Variants in SHC3 observed in about 807,000 individuals in gnomAD.
SHC3 encodes SHC-transforming protein 3.
SHC3 carries 15 observed loss-of-function variants against 60.4 expected under a neutral mutation model. The observed-to-expected ratio is 0.25, with a 90% CI of 0.17 to 0.38. The LOEUF is 0.38. SHC3 is among the 10% of genes least tolerant of loss of function. SHC3 has a pLI of 1.00. For synonymous variants in SHC3, 294 were observed against 325.9 expected, an observed-to-expected ratio of 0.90 and a Z score of 1.05; for missense variants, 677 against 786.1, an observed-to-expected ratio of 0.86 and a Z score of 1.66.
intron 9 of SHC3, among the ~76,000 whole-genome samples, chr9:89,045,052 G>T (rs1463306977): frequency 6.6e-6 from 1 of 152,098 alleles, no homozygotes; most frequent in Non-Finnish European, 1.5e-5. Flanking sequence ...GAGTCACGGG[G>T]GCTCAACCTC....
At chr9:89,129,884 C>T (rs1365023592) in intron 1 of SHC3, among the ~76,000 whole-genome samples, 3 of 152,188 alleles carry the variant, frequency 2.0e-5, no homozygotes, top group Non-Finnish European at 4.4e-5. Flanking sequence ...ATCGTAGTGA[C>T]AGGATCAAAT....
chr9:89,068,880 T>C (rs1341889667), intron 5 of SHC3, among the ~76,000 whole-genome samples: 1 of 152,182 alleles, frequency 6.6e-6, no homozygotes, highest in Non-Finnish European at 1.5e-5. Flanking sequence ...ACATCTGCCT[T>C]TTATATGTCA....
At chr9:89,110,932 A>G (rs949949827) in intron 2 of SHC3, among the ~76,000 whole-genome samples, 1 of 152,170 alleles carries the variant, frequency 6.6e-6, no homozygotes, top group African/African-American at 2.4e-5. Flanking sequence ...TCTACCACAG[A>G]GAGTCCCAGG....
At chr9:89,177,305 C>T (rs901549078) in intron 1 of SHC3, among the ~76,000 whole-genome samples, 36 of 152,206 alleles carry the variant, frequency 2.4e-4, no homozygotes, top group African/African-American at 8.4e-4. Context: ...AAGCGCAGCG[C>T]CCTAGTTCCC....
intron 6 of SHC3, among the ~76,000 whole-genome samples, chr9:89,058,192 A>C (rs1824986926): frequency 6.6e-6 from 1 of 152,264 alleles, no homozygotes; most frequent in Admixed American, 6.5e-5. Flanking sequence ...ACAATGTAAA[A>C]CAAAGAAGAT....
chr9:89,097,106 G>GAA (rs10523898), intron 2 of SHC3, among the ~76,000 whole-genome samples: 1 of 81,098 alleles, frequency 1.2e-5, no homozygotes, highest in Non-Finnish European at 2.4e-5. Context: ...TCGCTCTCAT[G>GAA]AAAAAAAAAA....
chr9:89,057,291 T>C (rs894930693), intron 6 of SHC3, among the ~76,000 whole-genome samples: 4 of 150,928 alleles, frequency 2.7e-5, no homozygotes, highest in African/African-American at 4.9e-5. Context: ...CCATGCACTC[T>C]GAATTGATCC....
intron 2 of SHC3, among the ~76,000 whole-genome samples, chr9:89,099,815 A>C (rs1825757367): frequency 6.6e-6 from 1 of 152,254 alleles, no homozygotes; most frequent in South Asian, 2.1e-4. Context: ...GTGATATTTA[A>C]AAATCTTAAC....
At chr9:89,051,575 C>T (rs752201529) in intron 7 of SHC3, among the ~76,000 whole-genome samples, 7 of 152,230 alleles carry the variant, frequency 4.6e-5, no homozygotes, top group Non-Finnish European at 1.0e-4. Context: ...AGCTGTTAAG[C>T]TGCAAAGGCC....
intron 1 of SHC3, among the ~76,000 whole-genome samples, chr9:89,142,694 C>T (rs1006897023): frequency 3.5e-5 from 5 of 144,874 alleles, no homozygotes; most frequent in South Asian, 2.2e-4. Context: ...AAAAAAAAGG[C>T]GGGGGGTGTC....
rs1825965525 is a variant in SHC3, at chr9:89,008,013, GTGT to G, written c.*5431_*5433del. On this transcript the variant is annotated 3_prime_UTR_variant, in exon 12 of 12. Coordinates refer to ENST00000375835, the MANE Select transcript of SHC3 (RefSeq NM_016848.6). ...TGCACAACACAGAGCCAATCTGCGT[GTGT>G]ACAGAGATGCAGATCCGTTTTTAAT... 2.0e-5 allele frequency: 3 copies of G among 152,236 alleles called. No individual in the cohort carries two copies. Among genetic ancestry groups the G allele is most frequent in the Non-Finnish European group, 4.4e-5 (3 of 68,048 alleles). 9.4% of individuals were successfully genotyped at this position (152,236 alleles called of 1,614,324 possible).
chr9:89,174,841 CT>C (rs1202835729), intron 1 of SHC3, among the ~76,000 whole-genome samples: 1 of 152,234 alleles, frequency 6.6e-6, no homozygotes, highest in Admixed American at 6.5e-5. Flanking sequence ...AACTGAACCC[CT>C]GCCTCCTGTC....
intron 1 of SHC3, among the ~76,000 whole-genome samples, chr9:89,117,663 C>G (rs1365773980): frequency 6.6e-6 from 1 of 152,100 alleles, no homozygotes; most frequent in Non-Finnish European, 1.5e-5. Flanking sequence ...TGGTCATTTT[C>G]TAGATGGCTT....
chr9:89,089,787 C>G (rs1433858263), intron 2 of SHC3, among the ~76,000 whole-genome samples: 1 of 152,124 alleles, frequency 6.6e-6, no homozygotes, highest in South Asian at 2.1e-4. Flanking sequence ...CACAGGAGCC[C>G]CTGACTGCTT....
chr9:89,052,882 A>T (rs1824883727), intron 6 of SHC3, among the ~76,000 whole-genome samples: 1 of 152,210 alleles, frequency 6.6e-6, no homozygotes, highest in African/African-American at 2.4e-5. Flanking sequence ...CCTGGTGGTA[A>T]GGCCTGGAGC....
intron 10 of SHC3, 131 bp downstream of exon 10, chr9:89,041,895 G>T: frequency 8.6e-7 from 1 of 1,159,240 alleles, no homozygotes; most frequent in Non-Finnish European, 1.2e-6. Context: ...ACCCAGAAAA[G>T]TACAGCTAAT....
At chr9:89,151,086 A>C (rs1033416657) in intron 1 of SHC3, among the ~76,000 whole-genome samples, 2 of 150,358 alleles carry the variant, frequency 1.3e-5, no homozygotes, top group African/African-American at 4.9e-5. Flanking sequence ...TGCTGTGGTC[A>C]CTGCTCACTG....
chr9:89,128,732 C>T (rs556706514), intron 1 of SHC3, among the ~76,000 whole-genome samples: 10 of 152,166 alleles, frequency 6.6e-5, no homozygotes, highest in Non-Finnish European at 8.8e-5. Context: ...GACATCCACA[C>T]GAAAACCCCA....
At chr9:89,158,647 G>C (rs1826661976) in intron 1 of SHC3, among the ~76,000 whole-genome samples, 2 of 152,170 alleles carry the variant, frequency 1.3e-5, no homozygotes, top group South Asian at 4.1e-4. Flanking sequence ...GGCTGTTGAA[G>C]TCTCCAACTA....
Sources: gnomAD v4.1 joint callset for allele counts (sites outside exome capture counted in the v4.1 genomes callset) on GRCh38, gnomAD v4.1.1 for gene constraint, MANE v1.5 for transcripts, NCBI Gene and HGNC (gene_info 2026-07-23, HGNC 2026-07-21) for gene names.